Variants in NRXN3 observed in about 807,000 individuals in gnomAD.
NRXN3 encodes the protein neurexin III.
NRXN3 carries 32 observed loss-of-function variants against 137.6 expected under a neutral mutation model. That is an observed-to-expected ratio of 0.23 (90% CI 0.18 to 0.31). The LOEUF (loss-of-function observed/expected upper bound fraction) is 0.31. Ranked by LOEUF, NRXN3 falls within the 10% of genes least tolerant of loss-of-function variation. The pLI is 1.00. For missense variants in NRXN3, 1,574 were observed against 2,062.5 expected, an observed-to-expected ratio of 0.76 and a Z score of 4.59; for synonymous variants, 798 against 784.5, an observed-to-expected ratio of 1.02 and a Z score of -0.29.
intron 4 of NRXN3, among the ~76,000 whole-genome samples, chr14:78,557,613 C>T (rs1307879019): frequency 6.6e-6 from 1 of 152,216 alleles, no homozygotes; most frequent in Non-Finnish European, 1.5e-5. Context: ...GTTCTTATGA[C>T]AGCTGCAGGA....
At chr14:78,352,112 AGC>A (rs2083609927) in intron 4 of NRXN3, among the ~76,000 whole-genome samples, 1 of 150,264 alleles carries the variant, frequency 6.7e-6, no homozygotes, top group Non-Finnish European at 1.5e-5. Context: ...AAAAAAAGAT[AGC>A]AGGCATTGCC....
At chr14:79,323,025 T>A (rs1480728704) in intron 15 of NRXN3, among the ~76,000 whole-genome samples, 1 of 152,104 alleles carries the variant, frequency 6.6e-6, no homozygotes, top group Admixed American at 6.6e-5. Context: ...ATACATACAC[T>A]GAATGGTGAC....
chr14:78,458,131 T>G (rs8016770), intron 4 of NRXN3, among the ~76,000 whole-genome samples: 2,596 of 152,294 alleles, frequency 0.017, 84 homozygotes, highest in African/African-American at 0.059. Context: ...AAGGAGACAG[T>G]CTCTATCTTT....
intron 15 of NRXN3, among the ~76,000 whole-genome samples, chr14:79,200,647 A>G (rs1401202251): frequency 1.3e-5 from 2 of 152,166 alleles, no homozygotes; most frequent in South Asian, 4.1e-4. Flanking sequence ...CTTCATTAAT[A>G]AAAATAGAAA....
intron 4 of NRXN3, among the ~76,000 whole-genome samples, chr14:78,590,722 T>C (rs1480411051): frequency 6.6e-6 from 1 of 152,192 alleles, no homozygotes; most frequent in Non-Finnish European, 1.5e-5. Context: ...AAGACCATCC[T>C]GGCCAACATG....
chr14:78,613,720 A>C (rs182373102), intron 4 of NRXN3, among the ~76,000 whole-genome samples: 1 of 151,710 alleles, frequency 6.6e-6, no homozygotes, highest in Non-Finnish European at 1.5e-5. Flanking sequence ...TCAAATCTTC[A>C]TTGAGTGAGA....
chr14:79,212,217 A>T (rs1385566418), intron 15 of NRXN3, among the ~76,000 whole-genome samples: 7 of 152,222 alleles, frequency 4.6e-5, no homozygotes, highest in Non-Finnish European at 1.0e-4. Context: ...GCCAAAGTGC[A>T]GTTTTTACTG....
At chr14:78,314,898 T>C (rs866090577) in intron 4 of NRXN3, among the ~76,000 whole-genome samples, 4 of 91,848 alleles carry the variant, frequency 4.4e-5, no homozygotes, top group South Asian at 4.1e-4. Flanking sequence ...TCTTTCTCTT[T>C]CTTTCTTTCT....
intron 15 of NRXN3, among the ~76,000 whole-genome samples, chr14:79,172,566 C>T (rs1027629500): frequency 2.0e-5 from 3 of 152,094 alleles, no homozygotes; most frequent in African/African-American, 7.2e-5. Context: ...CCTAGGAGTA[C>T]ATTTAACAAG....
intron 4 of NRXN3, among the ~76,000 whole-genome samples, chr14:78,594,604 C>T (rs1205099125): frequency 1.3e-5 from 2 of 152,154 alleles, no homozygotes; most frequent in African/African-American, 4.8e-5. Context: ...TTCCTAAGCA[C>T]AGTTCTAGAT....
At chr14:78,816,316 G>GTA (rs1388060999) in intron 10 of NRXN3, among the ~76,000 whole-genome samples, 1 of 152,026 alleles carries the variant, frequency 6.6e-6, no homozygotes, top group African/African-American at 2.4e-5. Context: ...AGGGATTTTT[G>GTA]TATCTTCTTT....
At position 78,709,670 on chromosome 14, in the gene NRXN3, G is replaced by C; in HGVS notation, c.1660+15G>C. 6.3e-7 allele frequency: 1 copy of C among 1,599,718 alleles called. No individual in the cohort carries two copies. The highest frequency in any genetic ancestry group is 1.7e-4 in the Middle Eastern group (1 of 6,008). On this transcript the variant is annotated intron_variant, in intron 7 of 20. Coordinates refer to ENST00000335750, the MANE Select transcript of NRXN3 (RefSeq NM_001330195.2). Reference sequence around the variant, plus strand: ...TGGCAGATCAGGTAGGAAGAGGCAGGATGTGTGACTGAGACTAGACGAAAG... The same window carrying C: ...TGGCAGATCAGGTAGGAAGAGGCAGCATGTGTGACTGAGACTAGACGAAAG...
chr14:79,450,727 A>C (rs1413581459), intron 15 of NRXN3, among the ~76,000 whole-genome samples: 1 of 152,002 alleles, frequency 6.6e-6, no homozygotes, highest in Non-Finnish European at 1.5e-5. Flanking sequence ...TTAGCTGAGC[A>C]TGAGGGCACA....
chr14:78,416,972 T>C (rs534166032), intron 4 of NRXN3, among the ~76,000 whole-genome samples: 1 of 152,244 alleles, frequency 6.6e-6, no homozygotes, highest in East Asian at 1.9e-4. Context: ...ATATAAGGAC[T>C]GGACAGAAAT....
At chr14:78,481,194 A>G (rs1362742066) in intron 4 of NRXN3, among the ~76,000 whole-genome samples, 1 of 152,152 alleles carries the variant, frequency 6.6e-6, no homozygotes, top group Non-Finnish European at 1.5e-5. Flanking sequence ...TAAGAGGGAG[A>G]GAGGTCTGGA....
chr14:79,045,100 G>T (rs2099631060), intron 15 of NRXN3, among the ~76,000 whole-genome samples: 2 of 152,100 alleles, frequency 1.3e-5, no homozygotes, highest in African/African-American at 4.8e-5. Context: ...TAATGGCATA[G>T]AAATATAGGA....
intron 19 of NRXN3, among the ~76,000 whole-genome samples, chr14:79,798,083 TGA>T (rs1336727298): frequency 6.6e-6 from 1 of 150,740 alleles, no homozygotes; most frequent in South Asian, 2.1e-4. Context: ...CCTAGGTGAC[TGA>T]GAGAGACCCT....
intron 16 of NRXN3, among the ~76,000 whole-genome samples, chr14:79,504,710 T>C (rs1274893919): frequency 6.9e-6 from 1 of 145,546 alleles, no homozygotes; most frequent in Admixed American, 6.9e-5. Context: ...CATGATGAAA[T>C]AAAAGTGTTT....
intron 15 of NRXN3, among the ~76,000 whole-genome samples, chr14:79,185,682 G>A (rs559229306): frequency 2.6e-5 from 4 of 152,080 alleles, no homozygotes; most frequent in South Asian, 4.1e-4. Context: ...AGCCAGGATG[G>A]TCTCGATCTC....
Sources: allele counts gnomAD v4.1 joint callset (sites outside exome capture counted in the v4.1 genomes callset), GRCh38; gene constraint gnomAD v4.1.1; transcripts MANE v1.5; gene names NCBI Gene and HGNC (gene_info 2026-07-23, HGNC 2026-07-21).